Variants in MAF observed in about 807,000 individuals in gnomAD.
The protein encoded by MAF is transcription factor Maf.
Under a neutral mutation model 22.0 loss-of-function variants are expected in MAF, and 10 were observed. The ratio of observed to expected loss-of-function variants is 0.45; its 90% CI spans 0.28 to 0.77. The LOEUF (loss-of-function observed/expected upper bound fraction) is 0.77, where lower values mean the gene tolerates loss of function less well. Ranked by LOEUF, MAF falls within the 30% of genes least tolerant of loss-of-function variation. The pLI, the probability that MAF is intolerant of heterozygous loss-of-function variation, is 0.12. For synonymous variants in MAF, 337 were observed against 255.8 expected, an observed-to-expected ratio of 1.32 and a Z score of -3.03; for missense variants, 544 against 548.4, an observed-to-expected ratio of 0.99 and a Z score of 0.08.
At chr16:79,332,357 G>A in the MAF span, among the ~76,000 whole-genome samples, 2 of 152,088 alleles carry the variant, frequency 1.3e-5, no homozygotes, top group Admixed American at 1.3e-4. Context: ...CTGGTGTGCA[G>A]TGGCGCTGTC....
the MAF span, among the ~76,000 whole-genome samples, chr16:79,407,959 C>T: frequency 6.6e-6 from 1 of 150,546 alleles, no homozygotes. Context: ...TATCAAGGAT[C>T]CTAAGAGAGG....
the MAF span, among the ~76,000 whole-genome samples, chr16:79,294,365 A>G: frequency 3.5e-4 from 54 of 152,290 alleles, no homozygotes; most frequent in Middle Eastern, 3.4e-3. Context: ...TCTTTGATCA[A>G]TAGGGCTTGT....
At chr16:79,278,659 G>A in the MAF span, among the ~76,000 whole-genome samples, 1 of 151,986 alleles carries the variant, frequency 6.6e-6, no homozygotes, top group African/African-American at 2.4e-5. Flanking sequence ...GCCGGGTTTG[G>A]GGTTTCGTGG....
the MAF span, among the ~76,000 whole-genome samples, chr16:79,228,113 G>A: frequency 2.0e-5 from 3 of 152,054 alleles, no homozygotes; most frequent in African/African-American, 4.8e-5. Flanking sequence ...ATGTTGCCCA[G>A]GCTGGTCTCC....
the MAF span, among the ~76,000 whole-genome samples, chr16:79,405,812 T>C: frequency 6.6e-6 from 1 of 152,340 alleles, no homozygotes. Context: ...GGTGCTCGCC[T>C]CATTTTGGAG....
the MAF span, among the ~76,000 whole-genome samples, chr16:79,573,431 T>C: frequency 1.3e-5 from 2 of 152,178 alleles, no homozygotes; most frequent in African/African-American, 4.8e-5. Context: ...GTTACACCCC[T>C]CCTGTTCACC....
the MAF span, among the ~76,000 whole-genome samples, chr16:79,512,873 C>T: frequency 6.6e-6 from 1 of 152,304 alleles, no homozygotes; most frequent in East Asian, 1.9e-4. Flanking sequence ...GCGCCGAAGA[C>T]ATTCCACACG....
the MAF span, among the ~76,000 whole-genome samples, chr16:79,376,711 T>C: frequency 6.6e-6 from 1 of 152,180 alleles, no homozygotes; most frequent in Non-Finnish European, 1.5e-5. Flanking sequence ...TGGTGTGTGA[T>C]GTTCCCCTTC....
chr16:79,490,948 G>A, the MAF span, among the ~76,000 whole-genome samples: 444 of 152,248 alleles, frequency 2.9e-3, 3 homozygotes, highest in African/African-American at 9.9e-3. Context: ...CAGATGAGAC[G>A]CCCAAAGTGT....
chr16:79,523,931 T>C, the MAF span, among the ~76,000 whole-genome samples: 1 of 152,200 alleles, frequency 6.6e-6, no homozygotes, highest in Non-Finnish European at 1.5e-5. Flanking sequence ...ATTTCTTTTC[T>C]TCCCCACTAT....
intron 1 of MAF, chr16:79,598,123 C>G: frequency 9.6e-7 from 1 of 1,043,502 alleles, no homozygotes; most frequent in Non-Finnish European, 1.2e-6. Flanking sequence ...TTTGCAAGCT[C>G]AATCTCACAT....
At chr16:79,447,411 G>A in the MAF span, among the ~76,000 whole-genome samples, 1 of 152,044 alleles carries the variant, frequency 6.6e-6, no homozygotes, top group Non-Finnish European at 1.5e-5. Flanking sequence ...GAGCTCTGAT[G>A]GAGATGTACA....
the MAF span, among the ~76,000 whole-genome samples, chr16:79,243,498 C>T: frequency 1.3e-5 from 2 of 151,976 alleles, no homozygotes; most frequent in Admixed American, 1.3e-4. Context: ...CACATACACC[C>T]TCCCAAGTCT....
In MAF at chr16:79,596,475, A is replaced by G. The variant is rs1031069222; in HGVS notation, c.1119-1922T>C. On this transcript the variant is annotated intron_variant, in intron 1 of 1. Transcript: ENST00000326043. The stretch of plus-strand genomic sequence containing the variant: ...AACTGTACACTAAGAAACTGAGTAC[A>G]GAATCAAAAAAAAATGCCGTTTATT... 2.9e-6 allele frequency: 3 copies of G among 1,051,798 alleles called. No individual in the cohort carries two copies. In the African/African-American group the frequency reaches 5.0e-5, roughly 17 times the overall value. The allele number at this position is 1,051,798 out of a possible 1,614,324, so 65.2% of individuals were successfully genotyped here. A position where few individuals can be genotyped will look rare whatever the true frequency, so the allele number is the denominator to read the frequency against.
the MAF span, among the ~76,000 whole-genome samples, chr16:79,289,382 G>C: frequency 2.2e-3 from 332 of 151,982 alleles, 1 homozygote; most frequent in African/African-American, 7.7e-3. Flanking sequence ...TGGAGTGGCA[G>C]TGGGGAGAAG....
chr16:79,566,125 A>G, the MAF span, among the ~76,000 whole-genome samples: 3 of 152,258 alleles, frequency 2.0e-5, no homozygotes, highest in Non-Finnish European at 4.4e-5. Context: ...ATCTGCATCC[A>G]GAACAACATC....
chr16:79,481,230 A>T, the MAF span, among the ~76,000 whole-genome samples: 1 of 91,920 alleles, frequency 1.1e-5, no homozygotes, highest in Admixed American at 1.2e-4. Context: ...CTCTTTCCAC[A>T]ACAGTTTTTT....
At chr16:79,444,874 T>A in the MAF span, among the ~76,000 whole-genome samples, 1 of 152,096 alleles carries the variant, frequency 6.6e-6, no homozygotes, top group Non-Finnish European at 1.5e-5. Flanking sequence ...TTGCATTGCA[T>A]GGGCCAAGAG....
the MAF span, among the ~76,000 whole-genome samples, chr16:79,447,554 G>C: frequency 6.6e-6 from 1 of 152,152 alleles, no homozygotes; most frequent in Non-Finnish European, 1.5e-5. Flanking sequence ...GCTATAAGTA[G>C]TGACCCCTCT....
Sources: allele counts gnomAD v4.1 joint callset (sites outside exome capture counted in the v4.1 genomes callset), GRCh38; gene constraint gnomAD v4.1.1; transcripts MANE v1.5; gene names NCBI Gene and HGNC (gene_info 2026-07-23, HGNC 2026-07-21).